Variants in PCDHAC1 observed in about 807,000 individuals in gnomAD.
PCDHAC1 encodes the protein protocadherin alpha-C1.
Under a neutral mutation model 60.0 loss-of-function variants are expected in PCDHAC1, and 42 were observed. The observed-to-expected ratio is 0.70, with a 90% confidence interval of 0.55 to 0.90. The LOEUF (loss-of-function observed/expected upper bound fraction) is 0.90, where lower values mean the gene tolerates loss of function less well. Among genes scored for constraint, PCDHAC1 ranks in the 40% least tolerant of loss-of-function variants. PCDHAC1 has a pLI of 0.00. For synonymous variants in PCDHAC1, 468 were observed against 499.3 expected (o/e 0.94, Z 0.84); for missense variants, 1,160 against 1,222.3 (o/e 0.95, Z 0.76).
At chr5:140,947,601 A>G (rs1296948194) in intron 1 of PCDHAC1, among the ~76,000 whole-genome samples, 1 of 151,680 alleles carries the variant, frequency 6.6e-6, no homozygotes, top group Non-Finnish European at 1.5e-5. Context: ...TTTAGGGAAG[A>G]TTTGGTATCT....
Position 140,928,544 on chromosome 5 carries a change from A to G in PCDHAC1, c.1652A>G (p.Asn551Ser), listed in dbSNP as rs1554205985. ...INLFVVDRNDNYPVILFPLPR... is the reference protein window; with the variant it reads ...INLFVVDRNDSYPVILFPLPR... The stretch of plus-strand genomic sequence containing the variant: ...TTGTTTGTGGTAGATAGGAATGACA[A>G]TTATCCGGTTATCTTGTTTCCCTTG... The change falls in exon 1 of 4, where the codon AAT becomes AGT. Residue 551 changes from asparagine (N) to serine (S), a missense_variant. By Grantham distance (46) the Asn-to-Ser change is conservative. This residue lies in a region of PCDHAC1 where 1,113 missense variants were observed against 1,163.7 expected (regional missense o/e 0.96). Coordinates refer to ENST00000253807, the MANE Select transcript of PCDHAC1 (RefSeq NM_018898.5). 5 of 1,614,062 alleles carry G rather than the reference A, an allele frequency of 3.1e-6. No homozygotes were observed. The highest frequency in any genetic ancestry group is 1.6e-4 in the Middle Eastern group (1 of 6,084).
At chr5:140,937,228 G>A (rs920892612) in intron 1 of PCDHAC1, among the ~76,000 whole-genome samples, 1 of 151,718 alleles carries the variant, frequency 6.6e-6, no homozygotes, top group Admixed American at 6.6e-5. Context: ...TTGTAGAGAC[G>A]GGGTTTCACC....
chr5:140,966,545 G>T (rs1554228431), intron 1 of PCDHAC1: 1 of 465,862 alleles, frequency 2.1e-6, no homozygotes, highest in East Asian at 3.5e-5. Context: ...CGACTCGGAG[G>T]CGAGCGGAGG....
In PCDHAC1 at chr5:141,010,341, T is replaced by C. The variant is rs199826290; in HGVS notation, c.*404T>C. ...GAGCAGCTTGGGAGTTTGTGGCCAC[T>C]GGGTATGTGTGGCTACCGCGGGTAT... is the stretch of plus-strand genomic sequence containing the variant. On this transcript the variant is annotated 3_prime_UTR_variant, in exon 4 of 4. Coordinates refer to ENST00000253807, the MANE Select transcript of PCDHAC1 (RefSeq NM_018898.5). 1 of 1,503,238 alleles carries C rather than the reference T, an allele frequency of 6.7e-7. No homozygotes were observed. The highest frequency in any genetic ancestry group is 8.9e-7 in the Non-Finnish European group (1 of 1,119,606). The allele number at this position is 1,503,238 out of a possible 1,614,324, so 93.1% of individuals were successfully genotyped here. A position where few individuals can be genotyped will look rare whatever the true frequency, so the allele number is the denominator to read the frequency against.
At chr5:140,952,111 G>A (rs1040553968) in intron 1 of PCDHAC1, among the ~76,000 whole-genome samples, 1 of 152,086 alleles carries the variant, frequency 6.6e-6, no homozygotes, top group Non-Finnish European at 1.5e-5. Context: ...ACTCGTGTGA[G>A]GGATGGGCTC....
intron 1 of PCDHAC1, among the ~76,000 whole-genome samples, chr5:140,958,710 A>G (rs1446140877): frequency 1.3e-5 from 2 of 152,210 alleles, no homozygotes; most frequent in Non-Finnish European, 2.9e-5. Flanking sequence ...CAACTCTGTT[A>G]TAATAAATGT....
At chr5:140,976,724 T>C (rs372662527) in intron 1 of PCDHAC1, among the ~76,000 whole-genome samples, 6 of 152,202 alleles carry the variant, frequency 3.9e-5, no homozygotes, top group African/African-American at 1.4e-4. Flanking sequence ...AGTTCATTTA[T>C]TTAAACACAT....
intron 1 of PCDHAC1, among the ~76,000 whole-genome samples, chr5:140,931,932 T>C (rs1163129550): frequency 6.6e-6 from 1 of 151,986 alleles, no homozygotes; most frequent in South Asian, 2.1e-4. Context: ...ATGATTATAA[T>C]GTGTGTCTGA....
intron 1 of PCDHAC1, among the ~76,000 whole-genome samples, chr5:140,977,853 C>T (rs2096777992): frequency 6.6e-6 from 1 of 152,212 alleles, no homozygotes; most frequent in Admixed American, 6.5e-5. Context: ...GGCTTTGTTT[C>T]TACCAAATAT....
At chr5:140,985,044 T>G (rs183944640) in intron 3 of PCDHAC1, among the ~76,000 whole-genome samples, 1 of 152,158 alleles carries the variant, frequency 6.6e-6, no homozygotes, top group Admixed American at 6.5e-5. Flanking sequence ...TTCAAGTGAT[T>G]CTCCTGCCTC....
At chr5:140,982,816 G>A (rs970352633) in intron 3 of PCDHAC1, among the ~76,000 whole-genome samples, 9 of 151,630 alleles carry the variant, frequency 5.9e-5, no homozygotes, top group Non-Finnish European at 1.0e-4. Flanking sequence ...TGTGTATGAA[G>A]TTTTTGGGGT....
intron 3 of PCDHAC1, among the ~76,000 whole-genome samples, chr5:141,004,902 G>A (rs1554259808): frequency 1.3e-5 from 2 of 152,084 alleles, no homozygotes; most frequent in African/African-American, 4.8e-5. Flanking sequence ...GCTCTGCCAG[G>A]GTGTAAGGAA....
chr5:140,973,631 A>G (rs1554235456), intron 1 of PCDHAC1, among the ~76,000 whole-genome samples: 1 of 152,210 alleles, frequency 6.6e-6, no homozygotes, highest in African/African-American at 2.4e-5. Flanking sequence ...TGTATCTTGT[A>G]CACATTCTGA....
At position 140,967,525 on chromosome 5, in the gene PCDHAC1, C is replaced by T. The variant is rs368677084; in HGVS notation, c.2434-11424C>T. The stretch of plus-strand genomic sequence containing the variant: ...TGCGTGTCCTGGACACTAACGACAA[C>T]TCTCCTGCCTTTGACCAGTCCACTT... On this transcript the variant is annotated intron_variant, in intron 1 of 3. Coordinates refer to ENST00000253807, the MANE Select transcript of PCDHAC1 (RefSeq NM_018898.5). 3.7e-5 allele frequency: 59 copies of T among 1,613,048 alleles called. No individual in the cohort carries two copies. The African/African-American group carries it at 7.3e-4, about 20-fold the overall frequency.
At chr5:140,973,697 C>G (rs1474916406) in intron 1 of PCDHAC1, among the ~76,000 whole-genome samples, 1 of 152,226 alleles carries the variant, frequency 6.6e-6, no homozygotes, top group Non-Finnish European at 1.5e-5. Context: ...CTGTTTCCTT[C>G]TGACCCAGGA....
intron 1 of PCDHAC1, among the ~76,000 whole-genome samples, chr5:140,954,491 T>C (rs1554221443): frequency 6.6e-6 from 1 of 152,264 alleles, no homozygotes; most frequent in Non-Finnish European, 1.5e-5. Flanking sequence ...TATTTCATTG[T>C]GGTTTTGATT....
intron 1 of PCDHAC1, among the ~76,000 whole-genome samples, chr5:140,933,393 C>G (rs1419190705): frequency 2.6e-5 from 4 of 151,956 alleles, no homozygotes; most frequent in Admixed American, 1.3e-4. Context: ...CTAGAGCCAT[C>G]TGGTTACCAT....
intron 1 of PCDHAC1, chr5:140,966,754 G>A (rs1554228611): frequency 1.4e-6 from 2 of 1,432,146 alleles, no homozygotes; most frequent in South Asian, 3.0e-5. Context: ...TGCCTCCGCC[G>A]CGGCCAGTGG....
chr5:140,932,469 A>T (rs1356318037), intron 1 of PCDHAC1, among the ~76,000 whole-genome samples: 12 of 152,030 alleles, frequency 7.9e-5, no homozygotes, highest in African/African-American at 2.4e-4. Context: ...TATATAGGAA[A>T]TAGGATATCT....
Sources: allele counts gnomAD v4.1 joint callset (sites outside exome capture counted in the v4.1 genomes callset), GRCh38; gene constraint gnomAD v4.1.1; regional missense constraint gnomAD v4.1.1; transcripts MANE v1.5; gene names NCBI Gene and HGNC (gene_info 2026-07-23, HGNC 2026-07-21).